ARF5: variants seen among roughly 807,000 people sequenced by gnomAD.
The protein encoded by ARF5 is ARF GTPase 5.
Under a neutral mutation model 24.8 loss-of-function variants are expected in ARF5, and 10 were observed. The ratio of observed to expected loss-of-function variants is 0.40; its 90% CI spans 0.25 to 0.68. The LOEUF (loss-of-function observed/expected upper bound fraction) is 0.68, where lower values mean the gene tolerates loss of function less well. Among genes scored for constraint, ARF5 ranks in the 30% least tolerant of loss-of-function variants. The pLI, the probability that ARF5 is intolerant of heterozygous loss-of-function variation, is 0.36. For missense variants in ARF5, 135 were observed against 239.2 expected (o/e 0.56, Z 2.87); for synonymous variants, 102 against 95.1 (o/e 1.07, Z -0.42).
intron 4 of ARF5, among the ~76,000 whole-genome samples, chr7:127,590,418 C>T (rs956255183): frequency 4.0e-4 from 61 of 152,056 alleles, no homozygotes; most frequent in African/African-American, 1.4e-3. Flanking sequence ...CTGCAACCTC[C>T]GTCTCCCGGG....
At chr7:127,590,798 T>C (rs183958938) in intron 4 of ARF5, among the ~76,000 whole-genome samples, 165 bp from the exon 5 acceptor site, 13 of 152,378 alleles carry the variant, frequency 8.5e-5, no homozygotes, top group East Asian at 1.9e-4. Context: ...TCTGGACTTA[T>C]GGGCTCAGGT....
chr7:127,589,654 C>A, intron 3 of ARF5, 60 bp downstream of exon 3: 1 of 1,400,952 alleles, frequency 7.1e-7, no homozygotes, highest in Non-Finnish European at 1.0e-6. Flanking sequence ...GCTGGGAGAA[C>A]AGAATTGTTG....
chr7:127,590,917 T>C (rs753787596), intron 4 of ARF5, 46 bp from the exon 5 acceptor site: 3 of 1,591,896 alleles, frequency 1.9e-6, no homozygotes, highest in Admixed American at 3.7e-5. Flanking sequence ...CCCAACACAG[T>C]AGAGGAGACG....
intron 1 of ARF5, 36 bp from the exon 2 acceptor site, chr7:127,589,047 C>T: frequency 6.2e-7 from 1 of 1,611,332 alleles, no homozygotes; most frequent in Non-Finnish European, 8.5e-7. Context: ...GGCTCCCTCG[C>T]TCCCATCTCC....
rs780563957 is a variant in ARF5, at chr7:127,588,473, GCCCGCGCCCCTC to G, written c.-21_-10del. On this transcript the variant is annotated 5_prime_UTR_variant, in exon 1 of 6. Transcript: ENST00000000233. ...GTTCCAGCCCGCACCCCGCGTCGGTGCCCGCGCCCCTCCCCGGGCCCCGCCATGGGCCTCACC... is the reference window on the plus strand; with the variant it reads ...GTTCCAGCCCGCACCCCGCGTCGGTGCCCGGGCCCCGCCATGGGCCTCACC... The G allele has an allele frequency of 3.1e-5, 44 of 1,417,292 alleles. No homozygotes were observed. The highest frequency in any genetic ancestry group is 8.9e-5 in the South Asian group (6 of 67,762). The allele number at this position is 1,417,292 out of a possible 1,614,324, so 87.8% of individuals were successfully genotyped here. A position where few individuals can be genotyped will look rare whatever the true frequency, so the allele number is the denominator to read the frequency against.
Position 127,590,256 on chromosome 7 carries a change from T to C in ARF5, c.330+119T>C. On this transcript the variant is annotated intron_variant, in intron 4 of 5. Transcript: ENST00000000233. ...TGAAGACCAGGAATATAAGTTTTTC[T>C]TTGTGGACAGACACATTGTGTATCT... 4 of 808,854 alleles carry C rather than the reference T, an allele frequency of 4.9e-6. 1 individual carries two copies. The South Asian group carries it at 5.8e-5, about 12-fold the overall frequency. 50.1% of individuals were successfully genotyped at this position (808,854 alleles called of 1,614,324 possible). A position where few individuals can be genotyped will look rare whatever the true frequency, so the allele number is the denominator to read the frequency against.
At position 127,591,096 on chromosome 7, in the gene ARF5, T is replaced by A. The variant is rs770409712; in HGVS notation, c.456+8T>A. 1.2e-6 allele frequency: 2 copies of A among 1,613,518 alleles called. No individual in the cohort carries two copies. Among genetic ancestry groups the A allele is most frequent in the Non-Finnish European group, 1.7e-6 (2 of 1,179,788 alleles). ...CACTTACGCAGCCGCACGGTAGGGG[T>A]CCTGCCCACCTGGTGCTGAATCCTG... On this transcript the variant is annotated splice_region_variant and intron_variant, in intron 5 of 5. Coordinates refer to ENST00000000233, the MANE Select transcript of ARF5 (RefSeq NM_001662.4).
In ARF5 at chr7:127,591,305, C is replaced by T; in HGVS notation, c.*6C>T. On this transcript the variant is annotated 3_prime_UTR_variant, in exon 6 of 6. Transcript: ENST00000000233. ...ACGAGCTGTCAAAGCGCTAACCAGC[C>T]AGGGGCAGGCCCCTGATGCCCGGAA... 1.3e-6 allele frequency: 2 copies of T among 1,587,140 alleles called. No individual in the cohort carries two copies. Among genetic ancestry groups the T allele is most frequent in the Non-Finnish European group, 1.7e-6 (2 of 1,169,904 alleles).
chr7:127,591,376 G>A lies in ARF5; in HGVS notation c.*77G>A. On this transcript the variant is annotated 3_prime_UTR_variant, in exon 6 of 6. Coordinates refer to ENST00000000233, the MANE Select transcript of ARF5 (RefSeq NM_001662.4). ...GATGACCAGACTCCCGGACTCCTCA[G>A]GCAGTGCCCTTTCCTCCCACTTTTC... The A allele has an allele frequency of 7.7e-7, 1 of 1,300,280 alleles. No homozygotes were observed. Among genetic ancestry groups the A allele is most frequent in the Non-Finnish European group, 1.0e-6 (1 of 960,182 alleles). 80.5% of individuals were successfully genotyped at this position (1,300,280 alleles called of 1,614,324 possible). A position where few individuals can be genotyped will look rare whatever the true frequency, so the allele number is the denominator to read the frequency against.
Position 127,589,611 on chromosome 7 carries a change from G to A in ARF5, c.258+17G>A. On this transcript the variant is annotated intron_variant, in intron 3 of 5. Transcript: ENST00000000233. ...AACACTCAGGTGGAGTGTTGGGAGGGGACTTTCTAACCCCACGGGAAAAGG... is the reference window on the plus strand; with the variant it reads ...AACACTCAGGTGGAGTGTTGGGAGGAGACTTTCTAACCCCACGGGAAAAGG... 6.3e-7 allele frequency: 1 copy of A among 1,585,770 alleles called. No individual in the cohort carries two copies.
chr7:127,589,656 G>A (rs777075800), intron 3 of ARF5, 62 bp downstream of exon 3: 1 of 1,386,856 alleles, frequency 7.2e-7, no homozygotes, highest in South Asian at 1.2e-5. Context: ...TGGGAGAACA[G>A]AATTGTTGGC....
At chr7:127,588,702 C>A in intron 1 of ARF5, 137 bp downstream of exon 1, 1 of 892,080 alleles carries the variant, frequency 1.1e-6, no homozygotes, top group Non-Finnish European at 1.6e-6. Context: ...GGGGCCTCTG[C>A]TCTCGGGCGG....
intron 1 of ARF5, 91 bp downstream of exon 1, chr7:127,588,656 G>C: frequency 8.3e-7 from 1 of 1,197,748 alleles, no homozygotes; most frequent in Non-Finnish European, 1.1e-6. Flanking sequence ...GCTCACCTGG[G>C]TCTCTGGCCC....
In ARF5 at chr7:127,589,443, C is replaced by T. The variant is rs371055003; in HGVS notation, c.149-42C>T. 7 of 1,511,852 alleles carry T rather than the reference C, an allele frequency of 4.6e-6. No individual in the cohort carries two copies. The African/African-American group carries it at 9.7e-5, about 21-fold the overall frequency. 93.7% of individuals were successfully genotyped at this position (1,511,852 alleles called of 1,614,324 possible). A position where few individuals can be genotyped will look rare whatever the true frequency, so the allele number is the denominator to read the frequency against. ...CTAAGTAGTTTTAGTGAGTTCCTTT[C>T]TTTCAGGAGTTTTCTCATCTTTTTT... On this transcript the variant is annotated intron_variant, in intron 2 of 5. Transcript: ENST00000000233.
In ARF5 at chr7:127,588,582, G is replaced by A; in HGVS notation, c.67+17G>A. 7.2e-7 allele frequency: 1 copy of A among 1,385,426 alleles called. No homozygotes were observed. Among genetic ancestry groups the A allele is most frequent in the South Asian group, 1.6e-5 (1 of 61,732 alleles). The allele number at this position is 1,385,426 out of a possible 1,614,324, so 85.8% of individuals were successfully genotyped here. A position where few individuals can be genotyped will look rare whatever the true frequency, so the allele number is the denominator to read the frequency against. ...TTCTCATGGGTGAGGCAGATCGAGC[G>A]CGCGGCCCGGACCGGGGCGCCGGCC... On this transcript the variant is annotated intron_variant, in intron 1 of 5. Transcript: ENST00000000233.
At position 127,591,240 on chromosome 7, in the gene ARF5, C is replaced by G; in HGVS notation, c.484C>G (p.Gln162Glu). 6.2e-7 allele frequency: 1 copy of G among 1,607,344 alleles called. No homozygotes were observed. Among genetic ancestry groups the G allele is most frequent in the Non-Finnish European group, 8.5e-7 (1 of 1,177,970 alleles). The part of the protein sequence containing the change: ...TWYVQATCAT[Q>E]GTGLYDGLDW... ...GTATGTCCAGGCCACCTGTGCCACC[C>G]AAGGCACAGGTCTGTACGATGGTCT... is the stretch of plus-strand genomic sequence containing the variant. The change falls in exon 6 of 6, where the codon CAA becomes GAA. Residue 162 changes from glutamine (Q) to glutamate (E), a missense_variant. Gln to Glu is a conservative substitution (Grantham distance 29, BLOSUM62 2). Transcript: ENST00000000233.
At chr7:127,588,977 C>T (rs868567423) in intron 1 of ARF5, 106 bp from the exon 2 acceptor site, 3 of 1,353,318 alleles carry the variant, frequency 2.2e-6, no homozygotes, top group Non-Finnish European at 2.1e-6. Context: ...GAGGCGCTCC[C>T]GCTCTCCGCC....
chr7:127,589,989 A>G, intron 3 of ARF5, 77 bp from the exon 4 acceptor site: 1 of 1,293,236 alleles, frequency 7.7e-7, no homozygotes, highest in South Asian at 1.2e-5. Flanking sequence ...AAATGGGAAG[A>G]AAACAGAAAG....
At position 127,588,528 on chromosome 7, in the gene ARF5, G is replaced by A; in HGVS notation, c.30G>A (p.Ser10=). The change falls in exon 1 of 6, where the codon TCG becomes TCA. Residue 10 remains serine, a synonymous_variant. Transcript: ENST00000000233. Reference sequence around the variant, plus strand: ...GCCTCACCGTGTCCGCGCTCTTTTCGCGGATCTTCGGGAAGAAGCAGATGC... The same window carrying A: ...GCCTCACCGTGTCCGCGCTCTTTTCACGGATCTTCGGGAAGAAGCAGATGC... The part of the protein sequence containing the change: MGLTVSALF[S]RIFGKKQMRI... The A allele has an allele frequency of 6.8e-7, 1 of 1,464,298 alleles. No homozygotes were observed. Among genetic ancestry groups the A allele is most frequent in the Non-Finnish European group, 9.1e-7 (1 of 1,096,866 alleles). 90.7% of individuals were successfully genotyped at this position (1,464,298 alleles called of 1,614,324 possible). A position where few individuals can be genotyped will look rare whatever the true frequency, so the allele number is the denominator to read the frequency against.
Sources: gnomAD v4.1 joint callset for allele counts (sites outside exome capture counted in the v4.1 genomes callset) on GRCh38, gnomAD v4.1.1 for gene constraint, MANE v1.5 for transcripts, NCBI Gene and HGNC (gene_info 2026-07-23, HGNC 2026-07-21) for gene names.